WNT9B: variants seen among roughly 807,000 people sequenced by gnomAD.
The protein encoded by WNT9B is Wnt family member 9B, also known as protein Wnt-9b.
A neutral mutation model predicts 30.2 loss-of-function variants in WNT9B; 12 were observed. That is an observed-to-expected ratio of 0.40 (90% CI 0.26 to 0.64). The LOEUF (loss-of-function observed/expected upper bound fraction) is 0.64, where lower values mean the gene tolerates loss of function less well. Among genes scored for constraint, WNT9B ranks in the 30% least tolerant of loss-of-function variants. The pLI is 0.42. For missense variants in WNT9B, 442 were observed against 485.2 expected (o/e 0.91, Z 0.84); for synonymous variants, 218 against 216.9 (o/e 1.01, Z -0.05).
Position 46,876,639 on chromosome 17 carries a change from A to T in WNT9B, c.995A>T (p.His332Leu). ...TQSRLVAFSC[H>L]CQVQWCCYVE... ...AGCCGCCTGGTGGCCTTCTCCTGCC[A>T]CTGCCAGGTGCAGTGGTGCTGCTAC... Residue 332 changes from histidine (H) to leucine (L), a missense_variant, in exon 4 of 4, where the codon CAC becomes CTC. By Grantham distance (99) the His-to-Leu change is moderately conservative (BLOSUM62 -3). Coordinates refer to ENST00000290015, the MANE Select transcript of WNT9B (RefSeq NM_003396.3). The T allele has an allele frequency of 6.2e-7, 1 of 1,610,064 alleles. No individual in the cohort carries two copies. The highest frequency in any genetic ancestry group is 1.1e-5 in the South Asian group (1 of 90,810).
intron 1 of WNT9B, among the ~76,000 whole-genome samples, chr17:46,853,861 G>T (rs1204841784): frequency 6.6e-6 from 1 of 152,154 alleles, no homozygotes; most frequent in African/African-American, 2.4e-5. Flanking sequence ...TGAGAGGAGA[G>T]GGGTTCCAGG....
chr17:46,855,350 C>T (rs745310771), intron 1 of WNT9B, among the ~76,000 whole-genome samples: 6 of 152,224 alleles, frequency 3.9e-5, no homozygotes, highest in Non-Finnish European at 8.8e-5. Context: ...GTTGCACTGA[C>T]CCCTGCTAGA....
upstream of WNT9B, among the ~76,000 whole-genome samples, chr17:46,848,977 G>T (rs139271106): frequency 3.7e-4 from 57 of 152,200 alleles, no homozygotes; most frequent in African/African-American, 1.3e-3. Context: ...AGCTGCTGTG[G>T]AATTATTATT....
chr17:46,879,598 G>A lies in WNT9B; in HGVS notation c.*2880G>A, dbSNP rs1329073178. On this transcript the variant is annotated 3_prime_UTR_variant, in exon 4 of 4. Coordinates refer to ENST00000290015, the MANE Select transcript of WNT9B (RefSeq NM_003396.3). The stretch of plus-strand genomic sequence containing the variant: ...GTGAGGTAGGTGGGGCCACATTACT[G>A]TGGCCATTTTATAGATGAGGTCCAG... Among the ~76,000 whole-genome samples the A allele has an allele frequency of 1.3e-5, 2 of 152,210 alleles. No homozygotes were observed. Among genetic ancestry groups the A allele is most frequent in the African/African-American group, 2.4e-5 (1 of 41,444 alleles).
intron 1 of WNT9B, among the ~76,000 whole-genome samples, chr17:46,870,091 T>A (rs1488117206): frequency 2.0e-5 from 3 of 152,202 alleles, no homozygotes; most frequent in Non-Finnish European, 4.4e-5. Flanking sequence ...AAAATGGCAT[T>A]TGAGGCAGGT....
In WNT9B at chr17:46,853,363, C is replaced by CTTTTTTT. The variant is rs35252647; in HGVS notation, c.77+1668_77+1674dup. Among the ~76,000 whole-genome samples the CTTTTTTT allele has an allele frequency of 2.4e-4, 19 of 78,906 alleles. 4 individuals are homozygous for CTTTTTTT. The highest frequency in any genetic ancestry group is 9.5e-4 in the African/African-American group (18 of 18,904). The allele number at this position is 78,906 out of a possible 152,430, so 51.8% of individuals were successfully genotyped here. A position where few individuals can be genotyped will look rare whatever the true frequency, so the allele number is the denominator to read the frequency against. ...GTAAGTGCTCAACTAATGCTAGTGACTTTTTTTTTTTTTTTTTTTTTTTTT... is the reference window on the plus strand; with the variant it reads ...GTAAGTGCTCAACTAATGCTAGTGACTTTTTTTTTTTTTTTTTTTTTTTTTTTTTTTT... On this transcript the variant is annotated intron_variant, in intron 1 of 3. Transcript: ENST00000290015.
Position 46,851,679 on chromosome 17 carries a change from TG to T in WNT9B, c.42del (p.Leu15TrpfsTer13). The T allele has an allele frequency of 1.5e-6, 2 of 1,308,736 alleles. No individual in the cohort carries two copies. Among genetic ancestry groups the T allele is most frequent in the Non-Finnish European group, 1.9e-6 (2 of 1,033,128 alleles). 81.1% of individuals were successfully genotyped at this position (1,308,736 alleles called of 1,614,324 possible). On this transcript the variant is annotated frameshift_variant, in exon 1 of 4. Coordinates refer to ENST00000290015, the MANE Select transcript of WNT9B (RefSeq NM_003396.3). LOFTEE classifies it high-confidence loss of function. The surrounding 1 kb of genome is among the most constrained non-coding windows in gnomAD (Gnocchi z 4.3). Reference sequence around the variant, plus strand: ...GCGCTGGCCCTGGCCGGGCTCTGCCTGCTGGCGCTGCCCGCCGCCGCCGCCT... The same window carrying T: ...GCGCTGGCCCTGGCCGGGCTCTGCCTCTGGCGCTGCCCGCCGCCGCCGCCT... ...PPALALAGLC[L>X]LALPAAAASY...
intron 1 of WNT9B, among the ~76,000 whole-genome samples, chr17:46,841,911 G>A (rs552928223): frequency 1.3e-5 from 2 of 152,346 alleles, no homozygotes; most frequent in East Asian, 3.9e-4. Flanking sequence ...GGGGGTCTCT[G>A]GTCCGCGAGA....
chr17:46,837,720 A>T (rs76260944), intron 1 of WNT9B, among the ~76,000 whole-genome samples: 227 of 152,206 alleles, frequency 1.5e-3, no homozygotes, highest in African/African-American at 5.3e-3. Flanking sequence ...GTTTGGAGGG[A>T]TGGCTCATGG....
chr17:46,849,805 C>T (rs113392663), upstream of WNT9B, among the ~76,000 whole-genome samples: 555 of 152,042 alleles, frequency 3.7e-3, 3 homozygotes, highest in African/African-American at 0.013. Flanking sequence ...GCAGGTATAA[C>T]GATCACTGAT....
chr17:46,834,368 C>T (rs891249090), intron 1 of WNT9B, among the ~76,000 whole-genome samples: 7 of 152,182 alleles, frequency 4.6e-5, no homozygotes, highest in Admixed American at 2.6e-4. Flanking sequence ...GGTTCTGCCT[C>T]TGGGAGAGGG....
At chr17:46,837,521 G>A (rs953999285) in intron 1 of WNT9B, among the ~76,000 whole-genome samples, 2 of 152,186 alleles carry the variant, frequency 1.3e-5, no homozygotes, top group African/African-American at 4.8e-5. Flanking sequence ...AAGAGCTGCC[G>A]CTGCCACCCT....
upstream of WNT9B, among the ~76,000 whole-genome samples, chr17:46,848,346 T>C (rs1464531321): frequency 6.6e-6 from 1 of 152,228 alleles, no homozygotes; most frequent in East Asian, 1.9e-4. Context: ...ACCAGGGTTA[T>C]AAGCTGAAAA....
chr17:46,870,608 G>T (rs759653531), intron 1 of WNT9B, among the ~76,000 whole-genome samples: 1 of 152,214 alleles, frequency 6.6e-6, no homozygotes, highest in South Asian at 2.1e-4. Context: ...CCTGATGGGT[G>T]TGGAATCTAC....
chr17:46,876,566 G>A lies in WNT9B; in HGVS notation c.922G>A (p.Glu308Lys), dbSNP rs1197436225. 1 of 1,613,684 alleles carries A rather than the reference G, an allele frequency of 6.2e-7. No homozygotes were observed. Among genetic ancestry groups the A allele is most frequent in the Non-Finnish European group, 8.5e-7 (1 of 1,180,010 alleles). Residue 308 changes from glutamate to lysine, a missense_variant, in exon 4 of 4, where the codon GAG (glutamate) becomes AAG (lysine). Coordinates refer to ENST00000290015, the MANE Select transcript of WNT9B (RefSeq NM_003396.3). ...CACAGCAGGTAGGGTGTGCTCCCGG[G>A]AGGCCAGCTGCAGCAGCCTGTGCTG... ...PGTAGRVCSR[E>K]ASCSSLCCGR...
chr17:46,861,890 G>A (rs1312287883), intron 1 of WNT9B, among the ~76,000 whole-genome samples: 1 of 152,214 alleles, frequency 6.6e-6, no homozygotes, highest in Non-Finnish European at 1.5e-5. Flanking sequence ...TAGGCCGGGT[G>A]CAGTGGCTCA....
chr17:46,857,474 CAAAAAA>C (rs35196121), intron 1 of WNT9B, among the ~76,000 whole-genome samples: 1,435 of 94,656 alleles, frequency 0.015, 19 homozygotes, highest in African/African-American at 0.046. Context: ...GACTCTGTCT[CAAAAAA>C]AAAAAAAAAA....
At chr17:46,834,173 C>T (rs753838031) in intron 1 of WNT9B, among the ~76,000 whole-genome samples, 2 of 152,046 alleles carry the variant, frequency 1.3e-5, no homozygotes, top group Non-Finnish European at 2.9e-5. Context: ...CCAGCCTGGT[C>T]GATGGAGTGA....
upstream of WNT9B, among the ~76,000 whole-genome samples, chr17:46,848,907 C>A (rs1346843828): frequency 6.6e-6 from 1 of 151,010 alleles, no homozygotes; most frequent in Non-Finnish European, 1.5e-5. Flanking sequence ...AGATTGTGAG[C>A]CAGGCCCGGC....
Sources: gnomAD v4.1 joint callset for allele counts (sites outside exome capture counted in the v4.1 genomes callset) on GRCh38, gnomAD v4.1.1 for gene constraint, Gnocchi (gnomAD v3.1) non-coding constraint, MANE v1.5 for transcripts, NCBI Gene and HGNC (gene_info 2026-07-23, HGNC 2026-07-21) for gene names.